GRM7: variants seen among roughly 807,000 people sequenced by gnomAD.
GRM7 encodes the protein metabotropic glutamate receptor 7.
Under a neutral mutation model 84.5 loss-of-function variants are expected in GRM7, and 35 were observed. That is an observed-to-expected ratio of 0.41 (90% CI 0.32 to 0.55). The LOEUF is 0.55. GRM7 is among the 20% of genes least tolerant of loss of function. The pLI, the probability that GRM7 is intolerant of heterozygous loss-of-function variation, is 0.19. For synonymous variants in GRM7, 487 were observed against 455.1 expected (o/e 1.07, Z -0.89); for missense variants, 1,003 against 1,194.6 (o/e 0.84, Z 2.36).
At chr3:7,357,902 A>T (rs935564951) in intron 4 of GRM7, among the ~76,000 whole-genome samples, 7 of 152,134 alleles carry the variant, frequency 4.6e-5, no homozygotes, top group African/African-American at 1.7e-4. Flanking sequence ...ATGGAAAAAA[A>T]AACCCACTTC....
At chr3:7,446,205 C>G (rs1260589705) in intron 5 of GRM7, among the ~76,000 whole-genome samples, 4 of 152,146 alleles carry the variant, frequency 2.6e-5, no homozygotes, top group African/African-American at 4.8e-5. Flanking sequence ...GTGTACACAG[C>G]TTCAGATCAG....
At chr3:7,435,334 T>G (rs915944150) in intron 5 of GRM7, among the ~76,000 whole-genome samples, 8 of 151,938 alleles carry the variant, frequency 5.3e-5, no homozygotes, top group African/African-American at 1.9e-4. Context: ...TGGGTAGTTT[T>G]TTTATATTTT....
chr3:7,312,368 A>G (rs1301109708), intron 4 of GRM7, among the ~76,000 whole-genome samples: 2 of 152,068 alleles, frequency 1.3e-5, no homozygotes, highest in Non-Finnish European at 2.9e-5. Flanking sequence ...AGAAGAGAGC[A>G]GTTCCTCAAA....
At chr3:7,553,397 C>T (rs1437652909) in intron 7 of GRM7, among the ~76,000 whole-genome samples, 1 of 152,200 alleles carries the variant, frequency 6.6e-6, no homozygotes, top group East Asian at 1.9e-4. Context: ...TGCCTGTTAT[C>T]CAGTTCCAAA....
At position 7,706,501 on chromosome 3, in the gene GRM7, G is replaced by A. The variant is rs12715605; in HGVS notation, c.2698+26206G>A. Reference sequence around the variant, plus strand: ...TTGGTAATTTGCTTAGAAGGACTCCGAAAATTCAATGAAAGCTGTTATACT... The same window carrying A: ...TTGGTAATTTGCTTAGAAGGACTCCAAAAATTCAATGAAAGCTGTTATACT... On this transcript the variant is annotated intron_variant, in intron 9 of 9. Transcript: ENST00000357716. Among the ~76,000 whole-genome samples the A allele has an allele frequency of 2.1e-3, 313 of 152,230 alleles. 2 individuals are homozygous for A. The highest frequency in any genetic ancestry group is 7.1e-3 in the African/African-American group (295 of 41,536).
intron 1 of GRM7, among the ~76,000 whole-genome samples, chr3:6,911,267 C>G (rs183546971): frequency 5.3e-5 from 8 of 152,136 alleles, no homozygotes; most frequent in African/African-American, 1.9e-4. Flanking sequence ...TTTATTTGGC[C>G]AAAATATATA....
At chr3:7,036,270 A>G (rs1339097020) in intron 1 of GRM7, among the ~76,000 whole-genome samples, 1 of 152,200 alleles carries the variant, frequency 6.6e-6, no homozygotes, top group Non-Finnish European at 1.5e-5. Context: ...AGAAAAGAGG[A>G]AAGAATAAGA....
chr3:7,362,190 G>A (rs1026304892), intron 4 of GRM7, among the ~76,000 whole-genome samples: 9 of 152,036 alleles, frequency 5.9e-5, no homozygotes, highest in African/African-American at 9.7e-5. Flanking sequence ...TTGTAACAGC[G>A]TAATTAATGT....
rs3063449 is a variant in GRM7 at position 6,998,119 on chromosome 3, C to CAAAAAAAA, written c.519+136225_519+136232dup. 3.8e-4 allele frequency among the ~76,000 whole-genome samples: 7 copies of CAAAAAAAA among 18,430 alleles called. 1 individual carries two copies. The highest frequency in any genetic ancestry group is 9.2e-4 in the African/African-American group (5 of 5,462). The allele number at this position is 18,430 out of a possible 152,430, so 12.1% of individuals were successfully genotyped here. A position where few individuals can be genotyped will look rare whatever the true frequency, so the allele number is the denominator to read the frequency against. Reference sequence around the variant, plus strand: ...GGGCAAAAACAGCAAATCTCCATCTCAAAAAAAAAAAAAAAAAAAAGCAGG... The same window carrying CAAAAAAAA: ...GGGCAAAAACAGCAAATCTCCATCTCAAAAAAAAAAAAAAAAAAAAAAAAAAAAGCAGG... On this transcript the variant is annotated intron_variant, in intron 1 of 9. Transcript: ENST00000357716.
rs539490493 is a variant in GRM7, at chr3:7,655,060, G to T, written c.2452-24989G>T. On this transcript the variant is annotated intron_variant, in intron 8 of 9. Transcript: ENST00000357716. The stretch of plus-strand genomic sequence containing the variant: ...GAACAGACCCATTTTAACAAGAGAA[G>T]TCAGCTAAGTACAAGCCCAGCTCAG... 9.8e-5 allele frequency among the ~76,000 whole-genome samples: 15 copies of T among 152,288 alleles called. No homozygotes were observed. The South Asian group carries it at 3.1e-3, about 32-fold the overall frequency.
chr3:7,009,428 G>A (rs1695295920), intron 1 of GRM7, among the ~76,000 whole-genome samples: 1 of 152,184 alleles, frequency 6.6e-6, no homozygotes, highest in Non-Finnish European at 1.5e-5. Flanking sequence ...CGCACAGCTG[G>A]TGAGACTGAG....
intron 1 of GRM7, among the ~76,000 whole-genome samples, chr3:6,948,876 AC>A (rs1191352120): frequency 6.6e-6 from 1 of 151,908 alleles, no homozygotes; most frequent in East Asian, 1.9e-4. Context: ...TAAGATTGCA[AC>A]CCCTGCCTTT....
chr3:7,503,662 G>A (rs914299119), intron 7 of GRM7, among the ~76,000 whole-genome samples: 3 of 152,070 alleles, frequency 2.0e-5, no homozygotes, highest in Non-Finnish European at 2.9e-5. Context: ...GATTACTTCT[G>A]TATGTTAGAA....
intron 1 of GRM7, among the ~76,000 whole-genome samples, chr3:6,950,530 C>A (rs1478900215): frequency 6.6e-6 from 1 of 152,218 alleles, no homozygotes; most frequent in African/African-American, 2.4e-5. Flanking sequence ...GCCAGTCTGC[C>A]CGTTCTCAGA....
chr3:7,493,882 C>T (rs1194765036), intron 7 of GRM7, among the ~76,000 whole-genome samples: 2 of 151,924 alleles, frequency 1.3e-5, no homozygotes, highest in Non-Finnish European at 2.9e-5. Flanking sequence ...ATGTACATGA[C>T]CTTTAATAGT....
intron 1 of GRM7, among the ~76,000 whole-genome samples, chr3:7,037,710 G>A (rs1315598686): frequency 1.3e-5 from 2 of 152,076 alleles, no homozygotes; most frequent in African/African-American, 4.8e-5. Flanking sequence ...GTAGGAACAA[G>A]GAAAATATAT....
chr3:7,165,752 G>A (rs537742684), intron 2 of GRM7, among the ~76,000 whole-genome samples: 1 of 152,246 alleles, frequency 6.6e-6, no homozygotes, highest in East Asian at 1.9e-4. Flanking sequence ...ATATATTGCT[G>A]TTGCACTTTT....
intron 1 of GRM7, among the ~76,000 whole-genome samples, chr3:7,144,035 G>T (rs553325536): frequency 6.6e-6 from 1 of 152,212 alleles, no homozygotes; most frequent in African/African-American, 2.4e-5. Flanking sequence ...CTTTACTGAG[G>T]CGCTTATATA....
chr3:7,729,067 G>C (rs1341147378), intron 9 of GRM7, among the ~76,000 whole-genome samples: 1 of 141,302 alleles, frequency 7.1e-6, no homozygotes, highest in East Asian at 2.0e-4. Flanking sequence ...TTTCCCCATA[G>C]TTTTGGGGAT....
Sources: allele counts gnomAD v4.1 joint callset (sites outside exome capture counted in the v4.1 genomes callset), GRCh38; gene constraint gnomAD v4.1.1; transcripts MANE v1.5; gene names NCBI Gene and HGNC (gene_info 2026-07-23, HGNC 2026-07-21).